NAV2: variants seen among roughly 807,000 people sequenced by gnomAD.
NAV2 encodes neuron navigator 2.
Under a neutral mutation model 223.2 loss-of-function variants are expected in NAV2, and 54 were observed. The observed-to-expected ratio is 0.24, with a 90% CI of 0.19 to 0.30. The LOEUF is 0.30. NAV2 is among the 10% of genes least tolerant of loss of function. The pLI, the probability that NAV2 is intolerant of heterozygous loss-of-function variation, is 1.00. For synonymous variants in NAV2, 1,279 were observed against 1,239.3 expected (o/e 1.03, Z -0.67); for missense variants, 2,806 against 3,147.5 (o/e 0.89, Z 2.60).
intron 6 of NAV2, among the ~76,000 whole-genome samples, chr11:19,932,916 G>A (rs1321706404): frequency 2.6e-5 from 4 of 152,224 alleles, no homozygotes; most frequent in Non-Finnish European, 5.9e-5. Flanking sequence ...GTTAAGATTT[G>A]TTAAGACCTG....
Position 20,083,096 on chromosome 11 carries a change from T to C in NAV2, c.5415T>C (p.Ser1805=). 1 of 1,614,142 alleles carries C rather than the reference T, an allele frequency of 6.2e-7. No homozygotes were observed. ...SHSDIEEMTD[S]SLPSSPKLPH... ...CAGATATTGAGGAGATGACGGATTC[T>C]TCTTTGCCTTCCTCACCAAAGTTAC... is the stretch of plus-strand genomic sequence containing the variant. The change falls in exon 26 of 38, where the codon TCT becomes TCC. Residue 1805 remains serine, a synonymous_variant. Coordinates refer to ENST00000349880, the MANE Select transcript of NAV2 (RefSeq NM_145117.5).
intron 11 of NAV2, among the ~76,000 whole-genome samples, chr11:19,997,181 A>C (rs937905649): frequency 2.0e-5 from 3 of 152,198 alleles, no homozygotes; most frequent in African/African-American, 7.2e-5. Flanking sequence ...GGAGTCTGTC[A>C]TGTCACCTCC....
At chr11:19,609,790 C>T (rs993937124) in intron 1 of NAV2, among the ~76,000 whole-genome samples, 3 of 152,220 alleles carry the variant, frequency 2.0e-5, no homozygotes, top group Admixed American at 2.0e-4. Flanking sequence ...TTCTACTCTA[C>T]ACTCAAAGCT....
intron 10 of NAV2, among the ~76,000 whole-genome samples, chr11:19,979,693 G>T (rs773866233): frequency 1.3e-5 from 2 of 152,194 alleles, no homozygotes; most frequent in Non-Finnish European, 2.9e-5. Context: ...AGCTTCACCA[G>T]AGCAGGAACT....
At chr11:19,521,084 CA>C (rs1285427890) in intron 1 of NAV2, among the ~76,000 whole-genome samples, 1 of 152,120 alleles carries the variant, frequency 6.6e-6, no homozygotes. Context: ...GCCATTTGGC[CA>C]TGAGGCGGGG....
At chr11:19,796,816 T>C (rs746136525) in intron 1 of NAV2, among the ~76,000 whole-genome samples, 11 of 152,240 alleles carry the variant, frequency 7.2e-5, no homozygotes, top group Admixed American at 2.0e-4. Flanking sequence ...TCCTGTGGCC[T>C]TGCTGGTACT....
At chr11:19,997,057 C>G (rs1473117539) in intron 11 of NAV2, among the ~76,000 whole-genome samples, 1 of 152,156 alleles carries the variant, frequency 6.6e-6, no homozygotes, top group East Asian at 1.9e-4. Flanking sequence ...AAAAATTCTC[C>G]CTGGCCGCTT....
rs763569407 is a variant in NAV2, at chr11:20,068,340, G to A, written c.4925G>A (p.Arg1642Gln). 29 of 1,614,044 alleles carry A rather than the reference G, an allele frequency of 1.8e-5. No homozygotes were observed. Among genetic ancestry groups the A allele is most frequent in the Admixed American group, 5.0e-5 (3 of 60,006 alleles). ...CATCTTTAGATTCGCAAGCTGCGGC[G>A]GGAACTGGATGCCTCCCAGGAGAAA... ...KCQSEIRKLR[R>Q]ELDASQEKVS... Residue 1642 changes from arginine (R) to glutamine (Q), a missense_variant, in exon 22 of 38, where the codon CGG becomes CAG. By Grantham distance (43) the Arg-to-Gln change is conservative (BLOSUM62 1). Transcript: ENST00000349880.
At chr11:19,840,814 A>G (rs1292267413) in intron 2 of NAV2, among the ~76,000 whole-genome samples, 1 of 152,148 alleles carries the variant, frequency 6.6e-6, no homozygotes, top group Non-Finnish European at 1.5e-5. Flanking sequence ...TATTCAGAAG[A>G]CTTATTTCTT....
At chr11:19,937,282 T>A (rs1012334537) in intron 7 of NAV2, among the ~76,000 whole-genome samples, 1 of 152,182 alleles carries the variant, frequency 6.6e-6, no homozygotes, top group Admixed American at 6.5e-5. Flanking sequence ...TAAAATGGTT[T>A]ATTCTCCTTT....
chr11:19,571,751 G>T (rs1026595182), intron 1 of NAV2, among the ~76,000 whole-genome samples: 1 of 151,800 alleles, frequency 6.6e-6, no homozygotes, highest in Non-Finnish European at 1.5e-5. Flanking sequence ...ATGTTATGTC[G>T]ATTTTACTTT....
intron 1 of NAV2, among the ~76,000 whole-genome samples, chr11:19,494,613 G>A (rs1168171191): frequency 1.3e-5 from 2 of 152,180 alleles, no homozygotes; most frequent in East Asian, 1.9e-4. Flanking sequence ...CGTTCTCAAC[G>A]CAGGTCATGC....
intron 11 of NAV2, among the ~76,000 whole-genome samples, chr11:20,008,383 T>C (rs1241746956): frequency 6.6e-6 from 1 of 152,168 alleles, no homozygotes; most frequent in Non-Finnish European, 1.5e-5. Context: ...TCAGTGTATG[T>C]GTATGAATGC....
intron 1 of NAV2, among the ~76,000 whole-genome samples, chr11:19,801,504 T>A (rs913498389): frequency 4.6e-5 from 7 of 152,244 alleles, no homozygotes; most frequent in African/African-American, 7.2e-5. Flanking sequence ...GAGGCTTACG[T>A]CTGCCTGGAT....
intron 1 of NAV2, among the ~76,000 whole-genome samples, chr11:19,546,381 A>G (rs1174036400): frequency 6.6e-6 from 1 of 152,200 alleles, no homozygotes; most frequent in Non-Finnish European, 1.5e-5. Context: ...TGGAGGCCCC[A>G]TGCTGGGGCC....
intron 15 of NAV2, 55 bp from the exon 16 acceptor site, chr11:20,049,781 C>T (rs771137335): frequency 2.6e-4 from 405 of 1,543,016 alleles, no homozygotes; most frequent in Non-Finnish European, 3.3e-4. Context: ...CAACACCTCT[C>T]CTTTCTTCCA....
intron 1 of NAV2, among the ~76,000 whole-genome samples, chr11:19,776,668 G>GTGTGTGTGTGTGTC (rs1170413542): frequency 4.0e-5 from 6 of 150,050 alleles, no homozygotes; most frequent in African/African-American, 1.5e-4. Flanking sequence ...GTGTGTGTGT[G>GTGTGTGTGTGTGTC]TGTGTGTGGT....
At chr11:19,557,035 C>T (rs543009215) in intron 1 of NAV2, among the ~76,000 whole-genome samples, 1 of 152,112 alleles carries the variant, frequency 6.6e-6, no homozygotes, top group Admixed American at 6.6e-5. Context: ...ACATAATAGA[C>T]ATGCATTGCT....
intron 19 of NAV2, among the ~76,000 whole-genome samples, chr11:20,058,143 G>T (rs1200542028): frequency 1.3e-5 from 2 of 151,904 alleles, no homozygotes; most frequent in Admixed American, 6.6e-5. Context: ...TCCTTTTTTT[G>T]AATTTATTAA....
Sources: gnomAD v4.1 joint callset for allele counts (sites outside exome capture counted in the v4.1 genomes callset) on GRCh38, gnomAD v4.1.1 for gene constraint, MANE v1.5 for transcripts, NCBI Gene and HGNC (gene_info 2026-07-23, HGNC 2026-07-21) for gene names.